The following ZAP70 variants were observed in gnomAD, a reference collection of about 807,000 sequenced individuals.
The protein encoded by ZAP70 is zeta chain of T cell receptor associated protein kinase 70.
In ZAP70, 27 loss-of-function variants were observed where a neutral mutation model predicts 65.8. That is an observed-to-expected ratio of 0.41 (90% confidence interval 0.30 to 0.57). The LOEUF (loss-of-function observed/expected upper bound fraction) is 0.57, where lower values mean the gene tolerates loss of function less well. ZAP70 is among the 20% of genes least tolerant of loss of function. ZAP70 has a pLI of 0.28. For synonymous variants in ZAP70, 363 were observed against 360.8 expected, an observed-to-expected ratio of 1.01 and a Z score of -0.07; for missense variants, 696 against 870.5, an observed-to-expected ratio of 0.80 and a Z score of 2.52.
the ZAP70 span, among the ~76,000 whole-genome samples, chr2:97,745,592 G>C: frequency 2.0e-5 from 3 of 152,044 alleles, no homozygotes; most frequent in Admixed American, 6.5e-5. Flanking sequence ...TAAGAGAAAT[G>C]AAAATAAAAA....
downstream of ZAP70, among the ~76,000 whole-genome samples, chr2:97,741,264 G>T (rs1226797481): frequency 6.6e-6 from 1 of 152,198 alleles, no homozygotes; most frequent in Non-Finnish European, 1.5e-5. Context: ...CCCCTGGAAG[G>T]TGCTTGCAGG....
At position 97,724,196 on chromosome 2, in the gene ZAP70, G is replaced by T; in HGVS notation, c.160G>T (p.Val54Leu). The change falls in exon 3 of 14, where the codon GTG (valine) becomes TTG (leucine). Residue 54 changes from valine (V) to leucine (L), a missense_variant. Physicochemically the swap from Val to Leu is conservative, Grantham distance 32. Around this residue, in one of 3 missense-constraint regions of ZAP70, gnomAD observed 551 missense variants for 630.0 expected, o/e 0.87. Transcript: ENST00000264972. ...GGYVLSLVHD[V>L]RFHHFPIERQ... ...CTATGTGCTGTCGCTCGTGCACGATGTGCGCTTCCACCACTTTCCCATCGA... is the reference window on the plus strand; with the variant it reads ...CTATGTGCTGTCGCTCGTGCACGATTTGCGCTTCCACCACTTTCCCATCGA... 6.3e-7 allele frequency: 1 copy of T among 1,599,356 alleles called. No individual in the cohort carries two copies.
chr2:97,751,776 G>C, the ZAP70 span, among the ~76,000 whole-genome samples: 1 of 152,210 alleles, frequency 6.6e-6, no homozygotes, highest in African/African-American at 2.4e-5. Flanking sequence ...AGGTGAAGGA[G>C]AGCCCCGTGC....
chr2:97,751,963 A>G, the ZAP70 span, among the ~76,000 whole-genome samples: 1 of 152,206 alleles, frequency 6.6e-6, no homozygotes, highest in African/African-American at 2.4e-5. Flanking sequence ...TGGGGATCAT[A>G]TTTCAACAAG....
At chr2:97,750,317 G>C in the ZAP70 span, among the ~76,000 whole-genome samples, 1 of 152,244 alleles carries the variant, frequency 6.6e-6, no homozygotes, top group African/African-American at 2.4e-5. Context: ...TGTCTCCTAA[G>C]AGGGTGTCAG....
chr2:97,732,894 G>A lies in ZAP70; in HGVS notation c.575G>A (p.Arg192Gln), dbSNP rs200950204. 15 of 1,613,818 alleles carry A rather than the reference G, an allele frequency of 9.3e-6. No individual in the cohort carries two copies. Among genetic ancestry groups the A allele is most frequent in the East Asian group, 2.2e-5 (1 of 44,888 alleles). ...CCTTCCCCTGCCAGGCTGAGGCCGC[G>A]GAAGGAGCAGGGCACATACGCCCTG... Reference protein sequence around the residue: ...QTDGKFLLRPRKEQGTYALSL... With the variant: ...QTDGKFLLRPQKEQGTYALSL... The change falls in exon 5 of 14, where the codon CGG becomes CAG. Residue 192 changes from arginine (R) to glutamine (Q), a missense_variant. Coordinates refer to ENST00000264972, the MANE Select transcript of ZAP70 (RefSeq NM_001079.4).
chr2:97,751,556 A>C, the ZAP70 span, among the ~76,000 whole-genome samples: 4 of 152,224 alleles, frequency 2.6e-5, no homozygotes, highest in Non-Finnish European at 1.5e-5. Flanking sequence ...AGAGGACTGG[A>C]GAAAACAAGG....
chr2:97,725,331 G>C lies in ZAP70; in HGVS notation c.563+79G>C, dbSNP rs778252482. 2.6e-6 allele frequency: 4 copies of C among 1,566,862 alleles called. No individual in the cohort carries two copies. In the African/African-American group the frequency reaches 5.4e-5, roughly 21 times the overall value. ...ATCCTGGGGACTGGGGCAGACGTGA[G>C]TGTGCAGTTGGGCCGTAAGGGTGTC... On this transcript the variant is annotated intron_variant, in intron 4 of 13. Coordinates refer to ENST00000264972, the MANE Select transcript of ZAP70 (RefSeq NM_001079.4).
At position 97,733,325 on chromosome 2, in the gene ZAP70, C is replaced by G; in HGVS notation, c.819C>G (p.His273Gln). The change falls in exon 7 of 14, where the codon CAC becomes CAG. Residue 273 changes from histidine to glutamine, a missense_variant. Transcript: ENST00000264972. ...SGAAAPTLPA[H>Q]PSTLTHPQRR... Reference sequence around the variant, plus strand: ...CTGCTGCTCCCACACTCCCAGCCCACCCATCCACGTTGACTCATGTGAGTT... The same window carrying G: ...CTGCTGCTCCCACACTCCCAGCCCAGCCATCCACGTTGACTCATGTGAGTT... 1 of 1,597,166 alleles carries G rather than the reference C, an allele frequency of 6.3e-7. No individual in the cohort carries two copies. Among genetic ancestry groups the G allele is most frequent in the Non-Finnish European group, 8.5e-7 (1 of 1,170,538 alleles).
the ZAP70 span, among the ~76,000 whole-genome samples, chr2:97,751,345 T>C: frequency 4.2e-4 from 64 of 152,234 alleles, 1 homozygote; most frequent in South Asian, 0.013. Context: ...AAGCTGGAAA[T>C]AAAATGTAAT....
At position 97,737,710 on chromosome 2, in the gene ZAP70, G is replaced by A. The variant is rs750880509; in HGVS notation, c.1482+45G>A. 3 of 1,614,096 alleles carry A rather than the reference G, an allele frequency of 1.9e-6. No individual in the cohort carries two copies. The highest frequency in any genetic ancestry group is 1.7e-6 in the Non-Finnish European group (2 of 1,179,996). On this transcript the variant is annotated intron_variant, in intron 11 of 13. Transcript: ENST00000264972. This position sits in a 1 kb window ranked among gnomAD's most constrained non-coding sequence, Gnocchi z 5.0. The stretch of plus-strand genomic sequence containing the variant: ...ATGCCCGACTGGATGGGCTGGGTGG[G>A]TAGAGGGTCCCTGACCCCTGATCCA...
In ZAP70 at chr2:97,739,530, G is replaced by C. The variant is rs757031030; in HGVS notation, c.*32G>C. 1 of 1,603,922 alleles carries C rather than the reference G, an allele frequency of 6.2e-7. No homozygotes were observed. On this transcript the variant is annotated 3_prime_UTR_variant, in exon 14 of 14. Coordinates refer to ENST00000264972, the MANE Select transcript of ZAP70 (RefSeq NM_001079.4). ...GCTGCCCAGGGGAGCCCTCCACGCC[G>C]GCTCTTCCCCACCCTCAGCCCCACC...
intron 9 of ZAP70, 52 bp from the exon 10 acceptor site, chr2:97,735,198 G>C (rs1440826583): frequency 5.0e-6 from 8 of 1,604,890 alleles, no homozygotes; most frequent in Non-Finnish European, 6.8e-6. Flanking sequence ...GTGTGGGGCC[G>C]AGCAGGGCCG....
At position 97,737,768 on chromosome 2, in the gene ZAP70, A is replaced by G. The variant is rs764911782; in HGVS notation, c.1494A>G (p.Ala498=). The G allele has an allele frequency of 3.1e-6, 5 of 1,614,010 alleles. No individual in the cohort carries two copies. In the African/African-American group the frequency reaches 5.3e-5, roughly 17 times the overall value. ...ADDSYYTARS[A]GKWPLKWYAP... is the part of the protein sequence containing the mutation. ...CTCCCCCTCCCCAGGCCCGCTCAGC[A>G]GGGAAGTGGCCGCTCAAGTGGTACG... The change falls in exon 12 of 14, where the codon GCA becomes GCG. Residue 498 remains alanine, a synonymous_variant. Coordinates refer to ENST00000264972, the MANE Select transcript of ZAP70 (RefSeq NM_001079.4). The surrounding 1 kb of genome is among the most constrained non-coding windows in gnomAD (Gnocchi z 5.0).
chr2:97,718,367 G>A lies in ZAP70; in HGVS notation c.-22+4373G>A, dbSNP rs146980445. On this transcript the variant is annotated intron_variant, in intron 2 of 13. Transcript: ENST00000264972. ...GCAAATGCTCCCACCTCTTGCCCCC[G>A]GACTTTTCATCTCTGCCACCTCTGC... 2.0e-4 allele frequency among the ~76,000 whole-genome samples: 30 copies of A among 152,264 alleles called. No homozygotes were observed. The East Asian group carries it at 4.2e-3, about 22-fold the overall frequency.
At position 97,737,411 on chromosome 2, in the gene ZAP70, C is replaced by A; in HGVS notation, c.1290-62C>A. ...TGCCCAGCTGGGTCAGAGAAGCATG[C>A]TTTGCCCCTGGGAACTTGGCTAGTC... On this transcript the variant is annotated intron_variant, in intron 10 of 13. Coordinates refer to ENST00000264972, the MANE Select transcript of ZAP70 (RefSeq NM_001079.4). The surrounding 1 kb of genome is among the most constrained non-coding windows in gnomAD (Gnocchi z 5.0). The A allele has an allele frequency of 3.0e-5, 47 of 1,580,396 alleles. No individual in the cohort carries two copies. The highest frequency in any genetic ancestry group is 3.7e-5 in the Non-Finnish European group (43 of 1,150,184).
At chr2:97,728,695 G>A (rs936065353) in intron 4 of ZAP70, among the ~76,000 whole-genome samples, 3 of 152,184 alleles carry the variant, frequency 2.0e-5, no homozygotes, top group East Asian at 1.9e-4. Context: ...TTATGGAACC[G>A]GCTGATTCGA....
downstream of ZAP70, among the ~76,000 whole-genome samples, chr2:97,740,251 T>A (rs1678092724): frequency 6.6e-6 from 1 of 152,160 alleles, no homozygotes; most frequent in Admixed American, 6.5e-5. Flanking sequence ...ATACAATGCT[T>A]TTCATTGGTA....
the ZAP70 span, among the ~76,000 whole-genome samples, chr2:97,747,778 AAG>A: frequency 6.8e-6 from 1 of 147,732 alleles, no homozygotes; most frequent in Non-Finnish European, 1.5e-5. Flanking sequence ...CTGCTGTCAG[AAG>A]AGTGTCTATT....
Sources: allele counts gnomAD v4.1 joint callset (sites outside exome capture counted in the v4.1 genomes callset), GRCh38; gene constraint gnomAD v4.1.1; regional missense constraint gnomAD v4.1.1; non-coding constraint Gnocchi (gnomAD v3.1); transcripts MANE v1.5; gene names NCBI Gene and HGNC (gene_info 2026-07-23, HGNC 2026-07-21).